POLR1D: variants seen among roughly 807,000 people sequenced by gnomAD.
The protein encoded by POLR1D is RNA polymerase I and III subunit D.
In POLR1D, 8 loss-of-function variants were observed where a neutral mutation model predicts 10.8. The observed-to-expected ratio is 0.74, with a 90% confidence interval of 0.43 to 1.33. The LOEUF is 1.33. Among genes scored for constraint, POLR1D ranks in the 40% most tolerant of loss-of-function variants. POLR1D has a pLI of 0.01. For missense variants in POLR1D, 152 were observed against 161.7 expected, an observed-to-expected ratio of 0.94 and a Z score of 0.32; for synonymous variants, 54 against 57.2, an observed-to-expected ratio of 0.94 and a Z score of 0.25.
intron 2 of POLR1D, chr13:27,661,026 A>G (rs1252818184): frequency 6.6e-6 from 1 of 152,238 alleles, no homozygotes; most frequent in Non-Finnish European, 1.5e-5. Context: ...AAATCTGTGG[A>G]AAGTTAGATA....
chr13:27,638,655 G>A lies in POLR1D; in HGVS notation c.27-9724G>A, dbSNP rs193291359. On this transcript the variant is annotated intron_variant, in intron 1 of 2. Coordinates refer to the POLR1D transcript ENST00000399697. ...TAGCAGATTACTGTAGCCTTGACACGCTGAAGAAAATAGCTTCAGCAGGCT... is the reference window on the plus strand; with the variant it reads ...TAGCAGATTACTGTAGCCTTGACACACTGAAGAAAATAGCTTCAGCAGGCT... Among the ~76,000 whole-genome samples the A allele has an allele frequency of 1.5e-4, 23 of 152,188 alleles. 1 individual carries two copies. In the East Asian group the frequency reaches 2.5e-3, roughly 17 times the overall value.
At chr13:27,622,125 A>G (rs537023554) in intron 1 of POLR1D, 116 bp downstream of exon 1, 2 of 852,788 alleles carry the variant, frequency 2.3e-6, no homozygotes, top group African/African-American at 1.7e-5. Flanking sequence ...GAGAAGAAGC[A>G]TGGAGAGAGA....
intron 1 of POLR1D, among the ~76,000 whole-genome samples, chr13:27,641,568 A>T (rs1365266183): frequency 6.6e-6 from 1 of 152,194 alleles, no homozygotes; most frequent in Non-Finnish European, 1.5e-5. Flanking sequence ...AATATTTTTT[A>T]TTTTGTTATG....
intron 1 of POLR1D, among the ~76,000 whole-genome samples, chr13:27,629,979 T>C (rs930817680): frequency 2.0e-5 from 3 of 152,204 alleles, no homozygotes; most frequent in African/African-American, 4.8e-5. Context: ...TGGCGCGATC[T>C]TGGCTCACTG....
chr13:27,622,845 A>G, intron 1 of POLR1D, 30 bp from the exon 2 acceptor site: 1 of 1,440,910 alleles, frequency 6.9e-7, no homozygotes, highest in Non-Finnish European at 9.8e-7. Flanking sequence ...ATTCAGTATG[A>G]TCTCATTTTT....
downstream of POLR1D, among the ~76,000 whole-genome samples, chr13:27,626,661 A>T (rs1323598775): frequency 6.6e-6 from 1 of 152,178 alleles, no homozygotes. Context: ...TTCTAAATAA[A>T]CTCATGCCAG....
chr13:27,653,642 G>A (rs1333606878), intron 2 of POLR1D, among the ~76,000 whole-genome samples: 1 of 151,806 alleles, frequency 6.6e-6, no homozygotes, highest in Non-Finnish European at 1.5e-5. Flanking sequence ...TGTTTATGTG[G>A]GTTATATCTA....
intron 1 of POLR1D, among the ~76,000 whole-genome samples, chr13:27,632,968 ACTATT>A (rs1337054183): frequency 1.3e-5 from 2 of 152,204 alleles, no homozygotes; most frequent in African/African-American, 4.8e-5. Flanking sequence ...AAGGGAAATA[ACTATT>A]CTATAAGCTT....
At position 27,630,896 on chromosome 13, in the gene POLR1D, A is replaced by G. The variant is rs910852900; in HGVS notation, c.26+8887A>G. ...CCTCCCCCACCCTGCTGTCTACCCAAAGCATCACCTGTGACTCTGCCACGC... is the reference window on the plus strand; with the variant it reads ...CCTCCCCCACCCTGCTGTCTACCCAGAGCATCACCTGTGACTCTGCCACGC... On this transcript the variant is annotated intron_variant, in intron 1 of 2. Transcript: ENST00000399697. 2.0e-5 allele frequency among the ~76,000 whole-genome samples: 3 copies of G among 152,204 alleles called. No homozygotes were observed. In the East Asian group the frequency reaches 5.8e-4, roughly 29 times the overall value.
chr13:27,658,384 A>G (rs1956328282), intron 2 of POLR1D, among the ~76,000 whole-genome samples: 1 of 152,244 alleles, frequency 6.6e-6, no homozygotes. Flanking sequence ...TTCAGCCACA[A>G]GAGTCCCAAG....
At chr13:27,628,656 G>C (rs1956041518) in intron 1 of POLR1D, among the ~76,000 whole-genome samples, 1 of 152,088 alleles carries the variant, frequency 6.6e-6, no homozygotes, top group Non-Finnish European at 1.5e-5. Context: ...TTTTATTAGT[G>C]CCTAAATTTA....
At chr13:27,658,513 A>G (rs1245173649) in intron 2 of POLR1D, among the ~76,000 whole-genome samples, 2 of 152,216 alleles carry the variant, frequency 1.3e-5, no homozygotes, top group Non-Finnish European at 2.9e-5. Context: ...TTTGCTTTAA[A>G]ATTTAAAATA....
chr13:27,665,930 G>GAAAAGC, exon 3 of POLR1D: 1 of 1,614,186 alleles, frequency 6.2e-7, no homozygotes, highest in Non-Finnish European at 8.5e-7. Flanking sequence ...GGACAAGTAC[G>GAAAAGC]AAAAGCGGTC....
chr13:27,657,198 T>G (rs1409718414), intron 2 of POLR1D, among the ~76,000 whole-genome samples: 1 of 152,172 alleles, frequency 6.6e-6, no homozygotes, highest in Non-Finnish European at 1.5e-5. Context: ...TTAACAGAGT[T>G]TTTTTAATTA....
intron 1 of POLR1D, among the ~76,000 whole-genome samples, chr13:27,629,110 C>T (rs1046383674): frequency 3.9e-5 from 6 of 152,210 alleles, no homozygotes; most frequent in Non-Finnish European, 7.3e-5. Flanking sequence ...AGGCGTGAGC[C>T]ACTGTGCCCA....
chr13:27,656,978 G>A (rs1454717975), intron 2 of POLR1D, among the ~76,000 whole-genome samples: 1 of 152,164 alleles, frequency 6.6e-6, no homozygotes, highest in Non-Finnish European at 1.5e-5. Context: ...GTGAAAACCT[G>A]AGTTGTGGAT....
chr13:27,622,590 ACT>A (rs1259303708), intron 1 of POLR1D, among the ~76,000 whole-genome samples: 2 of 151,830 alleles, frequency 1.3e-5, no homozygotes, highest in African/African-American at 4.8e-5. Flanking sequence ...CTTGCTTGTG[ACT>A]CTACCAAAAA....
exon 3 of POLR1D, chr13:27,666,110 A>AC (rs1956415832): frequency 1.5e-6 from 1 of 655,258 alleles, no homozygotes; most frequent in East Asian, 2.7e-5. Context: ...AGGCAAAAAA[A>AC]ATGACCTAGC....
At chr13:27,629,514 G>A (rs1461309692) in intron 1 of POLR1D, among the ~76,000 whole-genome samples, 1 of 152,156 alleles carries the variant, frequency 6.6e-6, no homozygotes, top group African/African-American at 2.4e-5. Context: ...ATTCCTTCAT[G>A]TGAAAACTTT....
Sources: allele counts gnomAD v4.1 joint callset (sites outside exome capture counted in the v4.1 genomes callset), GRCh38; gene constraint gnomAD v4.1.1; transcripts MANE v1.5; gene names NCBI Gene and HGNC (gene_info 2026-07-23, HGNC 2026-07-21).